The following ATF2 variants were observed in gnomAD, a reference collection of about 807,000 sequenced individuals.
ATF2 encodes the protein activating transcription factor 2.
Under a neutral mutation model 60.6 loss-of-function variants are expected in ATF2, and 24 were observed. The ratio of observed to expected loss-of-function variants is 0.40; its 90% CI spans 0.29 to 0.56. The LOEUF (loss-of-function observed/expected upper bound fraction) is 0.56. Among genes scored for constraint, ATF2 ranks in the 20% least tolerant of loss-of-function variants. The pLI is 0.54. For missense variants in ATF2, 433 were observed against 607.7 expected (o/e 0.71, Z 3.02); for synonymous variants, 206 against 215.4 (o/e 0.96, Z 0.38).
chr2:175,117,907 T>C (rs1696694624), intron 7 of ATF2, 83 bp downstream of exon 7: 1 of 1,398,270 alleles, frequency 7.2e-7, no homozygotes, highest in Non-Finnish European at 9.5e-7. Context: ...ATTTAATACA[T>C]TAACATTTTA....
chr2:175,144,087 C>G (rs1574474935), intron 2 of ATF2, among the ~76,000 whole-genome samples: 1 of 152,056 alleles, frequency 6.6e-6, no homozygotes, highest in Non-Finnish European at 1.5e-5. Flanking sequence ...AGGCACTGCA[C>G]CTGATTCTTT....
At chr2:175,149,196 T>C (rs1699145574) in intron 2 of ATF2, among the ~76,000 whole-genome samples, 1 of 152,174 alleles carries the variant, frequency 6.6e-6, no homozygotes, top group African/African-American at 2.4e-5. Flanking sequence ...CCATCCTTCC[T>C]TCCCTTCCCA....
chr2:175,122,075 A>G (rs1696993195), intron 4 of ATF2, among the ~76,000 whole-genome samples: 1 of 151,998 alleles, frequency 6.6e-6, no homozygotes, highest in African/African-American at 2.4e-5. Context: ...CAGCAAAGAA[A>G]TAGCAACCGA....
At chr2:175,161,107 A>G (rs1048502163) in intron 1 of ATF2, among the ~76,000 whole-genome samples, 1 of 152,236 alleles carries the variant, frequency 6.6e-6, no homozygotes, top group Non-Finnish European at 1.5e-5. Flanking sequence ...AAATAAGGAT[A>G]TGCTATACTG....
chr2:175,115,696 G>A (rs1696505509), intron 7 of ATF2, among the ~76,000 whole-genome samples: 3 of 152,150 alleles, frequency 2.0e-5, no homozygotes, highest in Admixed American at 6.5e-5. Flanking sequence ...CATTTATTCA[G>A]TAAGTTGAGA....
intron 5 of ATF2, 36 bp downstream of exon 5, chr2:175,121,408 T>G: frequency 7.1e-7 from 1 of 1,411,968 alleles, no homozygotes; most frequent in Non-Finnish European, 9.6e-7. Flanking sequence ...CCAGGTGAAA[T>G]ATGTATACAA....
chr2:175,156,253 C>T (rs982930154), intron 1 of ATF2, among the ~76,000 whole-genome samples: 1 of 151,724 alleles, frequency 6.6e-6, no homozygotes, highest in Non-Finnish European at 1.5e-5. Context: ...TGCCTGTAAT[C>T]CCAGCTACTC....
intron 12 of ATF2, among the ~76,000 whole-genome samples, chr2:175,091,103 GTAC>G (rs1370892055): frequency 6.6e-6 from 1 of 152,168 alleles, no homozygotes; most frequent in African/African-American, 2.4e-5. Flanking sequence ...ATATATGTAT[GTAC>G]TACTTCATAG....
chr2:175,106,108 C>CAA (rs1283265541), intron 10 of ATF2, among the ~76,000 whole-genome samples: 1 of 151,888 alleles, frequency 6.6e-6, no homozygotes, highest in African/African-American at 2.4e-5. Flanking sequence ...ATATTAAAGA[C>CAA]AAAAGTAAGT....
At chr2:175,109,515 AAC>A (rs1315446279) in intron 10 of ATF2, among the ~76,000 whole-genome samples, 1 of 152,220 alleles carries the variant, frequency 6.6e-6, no homozygotes, top group Non-Finnish European at 1.5e-5. Context: ...ACCTAAAAGA[AAC>A]AGTTATTCAG....
intron 8 of ATF2, 41 bp from the exon 9 acceptor site, chr2:175,114,149 C>A (rs750433993): frequency 1.7e-5 from 26 of 1,531,524 alleles, no homozygotes; most frequent in Non-Finnish European, 2.2e-5. Flanking sequence ...AAAAGAGATT[C>A]ATACCAACTG....
In ATF2 at chr2:175,093,051, T is replaced by G. The variant is rs1474284665; in HGVS notation, c.1185+10A>C. On this transcript the variant is annotated intron_variant, in intron 12 of 13. Coordinates refer to ENST00000264110, the MANE Select transcript of ATF2 (RefSeq NM_001880.4). The stretch of plus-strand genomic sequence containing the variant: ...AGAAATAAAACAAAATTCACATATA[T>G]GCACCATACCTGCAGCTGACCATTT... 6.2e-7 allele frequency: 1 copy of G among 1,612,986 alleles called. No homozygotes were observed. Among genetic ancestry groups the G allele is most frequent in the Non-Finnish European group, 8.5e-7 (1 of 1,179,688 alleles).
chr2:175,152,460 G>T (rs565277577), intron 1 of ATF2, among the ~76,000 whole-genome samples: 1 of 152,154 alleles, frequency 6.6e-6, no homozygotes, highest in South Asian at 2.1e-4. Flanking sequence ...AGGTGAGAAT[G>T]AGTAAGAACC....
chr2:175,155,631 A>G (rs1699621476), intron 1 of ATF2, among the ~76,000 whole-genome samples: 1 of 152,230 alleles, frequency 6.6e-6, no homozygotes, highest in Non-Finnish European at 1.5e-5. Flanking sequence ...TTTGCTACAA[A>G]CAAGTATGAC....
chr2:175,167,758 CT>C, intron 1 of ATF2: 1 of 471,212 alleles, frequency 2.1e-6, no homozygotes, highest in Non-Finnish European at 4.4e-6. Context: ...GCCGTTATTC[CT>C]TTTTCCTCTG....
chr2:175,128,686 A>C (rs945057548), intron 4 of ATF2, among the ~76,000 whole-genome samples: 1 of 152,128 alleles, frequency 6.6e-6, no homozygotes, highest in African/African-American at 2.4e-5. Context: ...AAGAGGAAAA[A>C]AATTAATACA....
chr2:175,127,685 C>T (rs1241981449), intron 4 of ATF2, among the ~76,000 whole-genome samples: 2 of 152,174 alleles, frequency 1.3e-5, no homozygotes. Flanking sequence ...TACACATTCC[C>T]TCCCTAGAGC....
intron 10 of ATF2, among the ~76,000 whole-genome samples, chr2:175,099,136 G>A (rs890533255): frequency 2.3e-5 from 3 of 132,780 alleles, no homozygotes; most frequent in African/African-American, 8.8e-5. Context: ...AGGGAGTCTC[G>A]CCTGTCGCCC....
intron 10 of ATF2, among the ~76,000 whole-genome samples, chr2:175,105,293 C>G (rs1210772285): frequency 6.8e-6 from 1 of 147,948 alleles, no homozygotes; most frequent in Non-Finnish European, 1.5e-5. Flanking sequence ...AAGTCACCAT[C>G]AAGGGCATTA....
Sources: allele counts gnomAD v4.1 joint callset (sites outside exome capture counted in the v4.1 genomes callset), GRCh38; gene constraint gnomAD v4.1.1; transcripts MANE v1.5; gene names NCBI Gene and HGNC (gene_info 2026-07-23, HGNC 2026-07-21).